Variants in PSMA3 observed in about 807,000 individuals in gnomAD.
PSMA3 encodes the protein proteasome subunit alpha type-3.
PSMA3 carries 8 observed loss-of-function variants against 40.0 expected under a neutral mutation model. That is an observed-to-expected ratio of 0.20 (90% CI 0.12 to 0.36). The LOEUF (loss-of-function observed/expected upper bound fraction) is 0.36, where lower values mean the gene tolerates loss of function less well. Among genes scored for constraint, PSMA3 ranks in the 10% least tolerant of loss-of-function variants. The probability of loss-of-function intolerance (pLI) is 1.00; values close to 1 mark genes in which losing one functional copy is unlikely to be tolerated. For synonymous variants in PSMA3, 110 were observed against 100.0 expected (o/e 1.10, Z -0.59); for missense variants, 219 against 310.6 (o/e 0.70, Z 2.22).
chr14:58,252,326 C>G (rs1336637898), intron 3 of PSMA3, 84 bp downstream of exon 3: 10 of 1,475,998 alleles, frequency 6.8e-6, no homozygotes, highest in Admixed American at 2.3e-5. Context: ...TGTGCAGTCA[C>G]AAAAGTAATC....
Position 58,263,793 on chromosome 14 carries a change from T to G in PSMA3, c.543+23T>G, listed in dbSNP as rs750596498. On this transcript the variant is annotated intron_variant, in intron 7 of 10. Coordinates refer to ENST00000216455, the MANE Select transcript of PSMA3 (RefSeq NM_002788.4). ...CAGGTAATAATTAATGCTTGAATTT[T>G]TACTATGTCGTCATCCTAATGCAGT... 54 of 1,604,208 alleles carry G rather than the reference T, an allele frequency of 3.4e-5. No homozygotes were observed. In the Admixed American group the frequency reaches 9.0e-4, roughly 27 times the overall value.
At chr14:58,264,449 C>T (rs532868190) in intron 7 of PSMA3, among the ~76,000 whole-genome samples, 2 of 152,230 alleles carry the variant, frequency 1.3e-5, no homozygotes, top group East Asian at 3.9e-4. Context: ...TCCTTTTAGC[C>T]ATGCGTTGAT....
In PSMA3 at chr14:58,271,892, G is replaced by A; in HGVS notation, c.765G>A (p.Met255Ile). ...KEEDESDDDN[M>I] ...AAGATGAATCAGATGATGATAATAT[G>A]TAACATTTACTCCAGCATCTATTGT... Residue 255 changes from methionine (M) to isoleucine (I), a missense_variant, in exon 11 of 11, where the codon ATG (methionine) becomes ATA (isoleucine). Transcript: ENST00000216455. 3 of 1,582,250 alleles carry A rather than the reference G, an allele frequency of 1.9e-6. No homozygotes were observed. Among genetic ancestry groups the A allele is most frequent in the Middle Eastern group, 1.7e-4 (1 of 5,982 alleles).
At chr14:58,263,457 TATG>T (rs1168926002) in intron 6 of PSMA3, 2 of 333,160 alleles carry the variant, frequency 6.0e-6, no homozygotes, top group Non-Finnish European at 1.1e-5. Context: ...TTAAAGTGTA[TATG>T]ATTACATAAT....
chr14:58,263,759 G>A lies in PSMA3; in HGVS notation c.532G>A (p.Glu178Lys). Residue 178 changes from glutamate to lysine, a missense_variant, in exon 7 of 11, where the codon GAG becomes AAG. By Grantham distance (56) the Glu-to-Lys change is moderately conservative (BLOSUM62 1). Transcript: ENST00000216455. ...CAGGCAAGCTGCAAAGACGGAAATA[G>A]AGAAGCTTCAGGTAATAATTAATGC... ...KARQAAKTEIEKLQMKEMTCR... is the reference protein window; with the variant it reads ...KARQAAKTEIKKLQMKEMTCR... 1 of 1,613,876 alleles carries A rather than the reference G, an allele frequency of 6.2e-7. No individual in the cohort carries two copies. Among genetic ancestry groups the A allele is most frequent in the Non-Finnish European group, 8.5e-7 (1 of 1,179,900 alleles).
intron 1 of PSMA3, among the ~76,000 whole-genome samples, chr14:58,246,713 A>T (rs980029290): frequency 6.6e-6 from 1 of 152,064 alleles, no homozygotes; most frequent in African/African-American, 2.4e-5. Context: ...GTTTATTTTT[A>T]TTATTTTTAT....
At chr14:58,265,567 A>G (rs1890414762) in intron 7 of PSMA3, 1 of 152,238 alleles carries the variant, frequency 6.6e-6, no homozygotes, top group African/African-American at 2.4e-5. Flanking sequence ...CCAGAGCCAT[A>G]CAGCTAATAA....
chr14:58,253,171 G>A (rs1460928681), intron 3 of PSMA3, among the ~76,000 whole-genome samples: 3 of 152,012 alleles, frequency 2.0e-5, no homozygotes, highest in Non-Finnish European at 4.4e-5. Flanking sequence ...TTTTAGTAAA[G>A]GCAGGGTTTC....
chr14:58,249,183 C>T (rs796970474), intron 2 of PSMA3, among the ~76,000 whole-genome samples: 57 of 152,084 alleles, frequency 3.7e-4, no homozygotes, highest in African/African-American at 1.4e-3. Flanking sequence ...TGGTCTCGAA[C>T]TCCTGACCTC....
At chr14:58,256,810 A>G (rs2140086045) in intron 3 of PSMA3, among the ~76,000 whole-genome samples, 1 of 152,210 alleles carries the variant, frequency 6.6e-6, no homozygotes, top group South Asian at 2.1e-4. Flanking sequence ...TCAACCTGTA[A>G]TAACTTTAGA....
At chr14:58,245,042 G>A (rs191730594) in intron 1 of PSMA3, 101 bp downstream of exon 1, 4 of 1,510,790 alleles carry the variant, frequency 2.6e-6, no homozygotes, top group African/African-American at 2.8e-5. Flanking sequence ...GGTGCTCTGA[G>A]ACCGCCTTCG....
intron 3 of PSMA3, among the ~76,000 whole-genome samples, chr14:58,252,467 C>T (rs147781378): frequency 1.3e-5 from 2 of 151,994 alleles, no homozygotes; most frequent in Non-Finnish European, 2.9e-5. Flanking sequence ...GGGGAGTATG[C>T]GTAGAAATGA....
intron 2 of PSMA3, among the ~76,000 whole-genome samples, chr14:58,250,222 A>G (rs1221678825): frequency 6.8e-6 from 1 of 147,372 alleles, no homozygotes; most frequent in Non-Finnish European, 1.5e-5. Flanking sequence ...TCCATCTCCA[A>G]AAAAAAAAAA....
chr14:58,263,842 T>G (rs1890354881), intron 7 of PSMA3, 72 bp downstream of exon 7: 4 of 1,386,172 alleles, frequency 2.9e-6, no homozygotes, highest in Non-Finnish European at 3.1e-6. Flanking sequence ...CACAGACATT[T>G]CAGTCTAAGG....
intron 8 of PSMA3, 132 bp from the exon 9 acceptor site, chr14:58,270,286 A>G (rs1890576980): frequency 7.8e-7 from 1 of 1,277,354 alleles, no homozygotes; most frequent in African/African-American, 1.5e-5. Flanking sequence ...AATACTATGT[A>G]GAATGTGTCT....
chr14:58,256,603 G>A (rs978177161), intron 3 of PSMA3, among the ~76,000 whole-genome samples: 22 of 150,852 alleles, frequency 1.5e-4, no homozygotes, highest in African/African-American at 4.1e-4. Flanking sequence ...TAGTAGAGAC[G>A]GCATTTCACC....
intron 9 of PSMA3, 139 bp from the exon 10 acceptor site, chr14:58,270,795 T>C: frequency 1.2e-6 from 1 of 807,212 alleles, no homozygotes; most frequent in Non-Finnish European, 1.9e-6. Context: ...CACACAAAAA[T>C]ATTCGAGTAT....
intron 2 of PSMA3, 147 bp from the exon 3 acceptor site, chr14:58,251,972 T>C (rs1005847722): frequency 9.8e-6 from 7 of 714,790 alleles, no homozygotes; most frequent in African/African-American, 7.3e-5. Context: ...TATTACACTT[T>C]AGTGTGTTTT....
intron 6 of PSMA3, among the ~76,000 whole-genome samples, chr14:58,262,306 C>G (rs1890304640): frequency 6.6e-6 from 1 of 152,122 alleles, no homozygotes; most frequent in South Asian, 2.1e-4. Context: ...CTCCCCAGTT[C>G]AAGCAATTCT....
Sources: gnomAD v4.1 joint callset for allele counts (sites outside exome capture counted in the v4.1 genomes callset) on GRCh38, gnomAD v4.1.1 for gene constraint, MANE v1.5 for transcripts, NCBI Gene and HGNC (gene_info 2026-07-23, HGNC 2026-07-21) for gene names.